Variants in SATB1 observed in about 807,000 individuals in gnomAD.
SATB1 encodes the protein DNA-binding protein SATB1.
A neutral mutation model predicts 86.9 loss-of-function variants in SATB1; 11 were observed. The ratio of observed to expected loss-of-function variants is 0.13; its 90% CI spans 0.08 to 0.21. SATB1 has a LOEUF of 0.21. Among genes scored for constraint, SATB1 ranks in the 10% least tolerant of loss-of-function variants. The pLI is 1.00. For synonymous variants in SATB1, 357 were observed against 357.2 expected (o/e 1.00, Z 0.01); for missense variants, 551 against 937.6 (o/e 0.59, Z 5.39).
chr3:18,423,552 A>C (rs1379673333), intron 1 of SATB1, 75 bp downstream of exon 1: 1 of 152,092 alleles, frequency 6.6e-6, no homozygotes, highest in South Asian at 2.1e-4. Flanking sequence ...AGAGACAAAG[A>C]AGCAAAGTAC....
intron 7 of SATB1, among the ~76,000 whole-genome samples, chr3:18,393,684 TGTTTTATAAATA>T (rs1171650502): frequency 6.6e-6 from 1 of 152,186 alleles, no homozygotes; most frequent in East Asian, 1.9e-4. Context: ...CTCCATGGCC[TGTTTTATAAATA>T]GTTTTACTGA....
intron 8 of SATB1, among the ~76,000 whole-genome samples, chr3:18,384,039 T>C (rs1192450545): frequency 6.6e-6 from 1 of 152,212 alleles, no homozygotes; most frequent in African/African-American, 2.4e-5. Context: ...AATGTTTTAT[T>C]TGAAAGAGTT....
intron 8 of SATB1, among the ~76,000 whole-genome samples, chr3:18,381,063 C>T (rs575970101): frequency 4.6e-5 from 7 of 152,158 alleles, no homozygotes; most frequent in Non-Finnish European, 7.3e-5. Context: ...ATTATTAAGG[C>T]GGCGCCGGGG....
upstream of SATB1, among the ~76,000 whole-genome samples, chr3:18,429,609 C>T (rs187686115): frequency 1.1e-3 from 175 of 152,314 alleles, no homozygotes; most frequent in Middle Eastern, 3.4e-3. This position sits in a 1 kb window ranked among gnomAD's most constrained non-coding sequence, Gnocchi z 4.1. Context: ...GCCAACCTGA[C>T]CCAGCCTTGA....
Position 18,349,026 on chromosome 3 carries a change from T to C in SATB1, c.*144A>G. ...TTTAGTGCAGTCTGTATTATCCTTT[T>C]CCAACTTTTCTGTTTGTGCAAGTTT... On this transcript the variant is annotated 3_prime_UTR_variant, in exon 11 of 11. Coordinates refer to ENST00000338745, the MANE Select transcript of SATB1 (RefSeq NM_002971.6). The surrounding 1 kb of genome is among the most constrained non-coding windows in gnomAD (Gnocchi z 5.5). The C allele has an allele frequency of 1.5e-6, 2 of 1,376,494 alleles. No individual in the cohort carries two copies. Among genetic ancestry groups the C allele is most frequent in the Non-Finnish European group, 1.9e-6 (2 of 1,035,228 alleles). The allele number at this position is 1,376,494 out of a possible 1,614,324, so 85.3% of individuals were successfully genotyped here.
chr3:18,378,323 C>A lies in SATB1; in HGVS notation c.1422G>T (p.Val474=). The change falls in exon 9 of 11, where the codon GTG becomes GTT. Residue 474 remains valine, a splice_region_variant and synonymous_variant. Coordinates refer to ENST00000338745, the MANE Select transcript of SATB1 (RefSeq NM_002971.6). Reference sequence around the variant, plus strand: ...TTTCAGTGGCAATAGTAGCTGTTTTCACCTACAAAACATTTTGAACATGGC... The same window carrying A: ...TTTCAGTGGCAATAGTAGCTGTTTTAACCTACAAAACATTTTGAACATGGC... ...ISTPPSRPPQ[V]KTATIATERN... 1 of 1,610,654 alleles carries A rather than the reference C, an allele frequency of 6.2e-7. No individual in the cohort carries two copies. The highest frequency in any genetic ancestry group is 8.5e-7 in the Non-Finnish European group (1 of 1,178,854).
upstream of SATB1, among the ~76,000 whole-genome samples, chr3:18,440,777 AATC>A (rs71055012): frequency 0.035 from 5,366 of 152,314 alleles, 106 homozygotes; most frequent in Non-Finnish European, 0.053. Context: ...AATTTGTAAA[AATC>A]ATCACAGAGT....
rs1698498928 is a variant in SATB1 at position 18,423,638 on chromosome 3, T to C, written c.-36A>G. ...GACCTGAAACTCACCACTTCAAAAC[T>C]TGACAGCACATAAATAACAAAAACA... is the stretch of plus-strand genomic sequence containing the variant. On this transcript the variant is annotated 5_prime_UTR_variant, in exon 1 of 11. Coordinates refer to ENST00000338745, the MANE Select transcript of SATB1 (RefSeq NM_002971.6). The C allele has an allele frequency of 6.6e-6, 1 of 151,744 alleles. No homozygotes were observed. The highest frequency in any genetic ancestry group is 2.1e-4 in the South Asian group (1 of 4,820). The allele number at this position is 151,744 out of a possible 1,614,324, so 9.4% of individuals were successfully genotyped here. A position where few individuals can be genotyped will look rare whatever the true frequency, so the allele number is the denominator to read the frequency against.
chr3:18,400,146 T>A (rs532298092), intron 5 of SATB1, among the ~76,000 whole-genome samples: 1 of 152,274 alleles, frequency 6.6e-6, no homozygotes, highest in South Asian at 2.1e-4. Flanking sequence ...TCATGATTGG[T>A]AAAATTTTCC....
At chr3:18,364,132 T>C (rs1176751349) in intron 9 of SATB1, among the ~76,000 whole-genome samples, 1 of 152,206 alleles carries the variant, frequency 6.6e-6, no homozygotes, top group East Asian at 1.9e-4. Flanking sequence ...AATACATATA[T>C]ATTTTTTTCC....
chr3:18,442,491 T>C (rs1699267765), upstream of SATB1, among the ~76,000 whole-genome samples: 1 of 152,206 alleles, frequency 6.6e-6, no homozygotes, highest in South Asian at 2.1e-4. Flanking sequence ...ACATATTTGG[T>C]ATATTTATAA....
In SATB1 at chr3:18,443,931, A is replaced by C. The variant is rs1699308709; in HGVS notation, c.-25+1587T>G. Among the ~76,000 whole-genome samples the C allele has an allele frequency of 6.6e-6, 1 of 152,128 alleles. No homozygotes were observed. The highest frequency in any genetic ancestry group is 2.4e-5 in the African/African-American group (1 of 41,438). Reference sequence around the variant, plus strand: ...TCGCTACAGCCAGCGAGGGCTCGAAATGAGGAGTGCCGCGGCTTTCAAACT... The same window carrying C: ...TCGCTACAGCCAGCGAGGGCTCGAACTGAGGAGTGCCGCGGCTTTCAAACT... On this transcript the variant is annotated intron_variant, in intron 1 of 3. Coordinates refer to the SATB1 transcript ENST00000415069. This position sits in a 1 kb window ranked among gnomAD's most constrained non-coding sequence, Gnocchi z 4.4.
chr3:18,352,276 C>A lies in SATB1; in HGVS notation c.1576-81G>T. The A allele has an allele frequency of 8.0e-7, 1 of 1,243,848 alleles. No homozygotes were observed. 77.1% of individuals were successfully genotyped at this position (1,243,848 alleles called of 1,614,324 possible). A position where few individuals can be genotyped will look rare whatever the true frequency, so the allele number is the denominator to read the frequency against. ...TCCATTAGGAGCTAAAAAGGAAAAACCCTATGAATTAACTTTTTCATAAGC... is the reference window on the plus strand; with the variant it reads ...TCCATTAGGAGCTAAAAAGGAAAAAACCTATGAATTAACTTTTTCATAAGC... On this transcript the variant is annotated intron_variant, in intron 9 of 10. Transcript: ENST00000338745. The surrounding 1 kb of genome is among the most constrained non-coding windows in gnomAD (Gnocchi z 4.1).
rs116161979 is a variant in SATB1 at position 18,424,884 on chromosome 3, G to T, written c.-1282C>A. The T allele has an allele frequency of 0.019, 2,960 of 154,222 alleles. 98 individuals carry two copies. The highest frequency in any genetic ancestry group is 0.067 in the African/African-American group (2,801 of 41,572). The allele number at this position is 154,222 out of a possible 1,614,324, so 9.6% of individuals were successfully genotyped here. On this transcript the variant is annotated 5_prime_UTR_variant, in exon 1 of 11. Coordinates refer to ENST00000338745, the MANE Select transcript of SATB1 (RefSeq NM_002971.6). Reference sequence around the variant, plus strand: ...ATAGAGGGCGGCCGCGGCTGTTGTTGTTGTGACGAGGCCGGGTGTTGCTGG... The same window carrying T: ...ATAGAGGGCGGCCGCGGCTGTTGTTTTTGTGACGAGGCCGGGTGTTGCTGG...
At chr3:18,397,778 G>T (rs1697040746) in intron 5 of SATB1, among the ~76,000 whole-genome samples, 1 of 152,174 alleles carries the variant, frequency 6.6e-6, no homozygotes, top group Non-Finnish European at 1.5e-5. Context: ...CCAGACCAGT[G>T]CACTTAGCAG....
At chr3:18,366,750 C>T (rs1466215110) in intron 9 of SATB1, among the ~76,000 whole-genome samples, 1 of 152,154 alleles carries the variant, frequency 6.6e-6, no homozygotes, top group Non-Finnish European at 1.5e-5. Flanking sequence ...ATCATGAGCT[C>T]AACTCACACC....
At chr3:18,376,647 T>A (rs1476649605) in intron 9 of SATB1, among the ~76,000 whole-genome samples, 3 of 152,128 alleles carry the variant, frequency 2.0e-5, no homozygotes, top group Non-Finnish European at 4.4e-5. Context: ...TGAAGACATC[T>A]GAAGAAGCAC....
chr3:18,358,885 G>A (rs977032147), intron 9 of SATB1, among the ~76,000 whole-genome samples: 3 of 151,864 alleles, frequency 2.0e-5, no homozygotes, highest in Non-Finnish European at 4.4e-5. Flanking sequence ...TCCAATACTG[G>A]GGTAATAATA....
chr3:18,357,069 A>G (rs1694681989), intron 9 of SATB1, among the ~76,000 whole-genome samples: 1 of 151,922 alleles, frequency 6.6e-6, no homozygotes, highest in African/African-American at 2.4e-5. Flanking sequence ...ACTAAGAAGG[A>G]AAAATACATC....
Sources: gnomAD v4.1 joint callset for allele counts (sites outside exome capture counted in the v4.1 genomes callset) on GRCh38, gnomAD v4.1.1 for gene constraint, Gnocchi (gnomAD v3.1) non-coding constraint, MANE v1.5 for transcripts, NCBI Gene and HGNC (gene_info 2026-07-23, HGNC 2026-07-21) for gene names.